The following MOXD1 variants were observed in gnomAD, a reference collection of about 807,000 sequenced individuals.
The protein encoded by MOXD1 is DBH-like monooxygenase protein 1.
MOXD1 carries 62 observed loss-of-function variants against 66.6 expected under a neutral mutation model. The observed-to-expected ratio is 0.93, with a 90% CI of 0.76 to 1.15. The LOEUF is 1.15. Among genes scored for constraint, MOXD1 ranks in the 50% most tolerant of loss-of-function variants. The pLI is 0.00. For synonymous variants in MOXD1, 303 were observed against 281.9 expected (o/e 1.07, Z -0.75); for missense variants, 847 against 754.6 (o/e 1.12, Z -1.44).
intron 10 of MOXD1, among the ~76,000 whole-genome samples, chr6:132,311,947 G>T (rs899180586): frequency 2.0e-5 from 3 of 151,882 alleles, no homozygotes; most frequent in African/African-American, 7.3e-5. Context: ...TCTGCAAAGA[G>T]GAAGAGAAAC....
intron 4 of MOXD1, among the ~76,000 whole-genome samples, chr6:132,344,791 C>A (rs553021067): frequency 6.6e-6 from 1 of 152,152 alleles, no homozygotes; most frequent in East Asian, 1.9e-4. Flanking sequence ...GACTGACCAC[C>A]TTTGAGTTGA....
chr6:132,306,659 A>T (rs1354185235), intron 10 of MOXD1, among the ~76,000 whole-genome samples: 1 of 152,166 alleles, frequency 6.6e-6, no homozygotes, highest in Non-Finnish European at 1.5e-5. Flanking sequence ...CTAACAGTGG[A>T]CCTCTCAGCA....
At chr6:132,373,792 G>A (rs528082340) in intron 2 of MOXD1, among the ~76,000 whole-genome samples, 26 of 152,168 alleles carry the variant, frequency 1.7e-4, no homozygotes, top group Admixed American at 9.2e-4. Context: ...AAATAATAAC[G>A]CAAAAGTATT....
chr6:132,310,361 C>T (rs1774801524), intron 10 of MOXD1, among the ~76,000 whole-genome samples: 1 of 152,114 alleles, frequency 6.6e-6, no homozygotes, highest in African/African-American at 2.4e-5. Context: ...GCTGGCGAGT[C>T]TGTGGAGAAA....
intron 7 of MOXD1, among the ~76,000 whole-genome samples, chr6:132,323,257 C>A (rs1248669924): frequency 6.6e-6 from 1 of 152,062 alleles, no homozygotes; most frequent in Non-Finnish European, 1.5e-5. Flanking sequence ...GAAAGTGGGT[C>A]AATGGAATTA....
Position 132,372,456 on chromosome 6 carries a change from G to C in MOXD1, c.663+152C>G, listed in dbSNP as rs146395373. 17 of 663,146 alleles carry C rather than the reference G, an allele frequency of 2.6e-5. No individual in the cohort carries two copies. In the East Asian group the frequency reaches 4.7e-4, roughly 18 times the overall value. 41.1% of individuals were successfully genotyped at this position (663,146 alleles called of 1,614,324 possible). On this transcript the variant is annotated intron_variant, in intron 4 of 11. Transcript: ENST00000367963. ...TCCAAGCTTTCAGACTCTTGAAAAA[G>C]TATGCAGGTCAGCCAAGCCAGTTCT...
chr6:132,374,487 A>AAAGAAAAAACT (rs1776334074), intron 2 of MOXD1, 144 bp downstream of exon 2: 1 of 532,400 alleles, frequency 1.9e-6, no homozygotes, highest in Admixed American at 6.2e-5. Flanking sequence ...AGAAAAAACT[A>AAAGAAAAAACT]AAAAAAAAAC....
intron 4 of MOXD1, among the ~76,000 whole-genome samples, chr6:132,348,824 G>C (rs1775722044): frequency 6.6e-6 from 1 of 152,040 alleles, no homozygotes; most frequent in African/African-American, 2.4e-5. Context: ...TTCCAAAAAA[G>C]ACTGCATTGT....
intron 1 of MOXD1, among the ~76,000 whole-genome samples, chr6:132,383,919 A>C (rs1262953289): frequency 6.6e-6 from 1 of 151,934 alleles, no homozygotes; most frequent in Non-Finnish European, 1.5e-5. Context: ...AAAATACAAA[A>C]ATTAGCCGGT....
In MOXD1 at chr6:132,401,360, G is replaced by C. The variant is rs1410754688; in HGVS notation, c.67C>G (p.Arg23Gly). ...LPGTAAGGSG[R>G]TYPHRTLLDS... is the part of the protein sequence containing the mutation. ...AGGAGGGTCCGGTGCGGATAGGTTCGGCCCGAGCCCCCCGCCGCCGTCCCG... is the reference window on the plus strand; with the variant it reads ...AGGAGGGTCCGGTGCGGATAGGTTCCGCCCGAGCCCCCCGCCGCCGTCCCG... The change falls in exon 1 of 12, where the codon CGA (arginine) becomes GGA (glycine). Residue 23 changes from arginine (R) to glycine (G), a missense_variant. Coordinates refer to ENST00000367963, the MANE Select transcript of MOXD1 (RefSeq NM_015529.4). The C allele has an allele frequency of 7.7e-6, 12 of 1,557,864 alleles. No individual in the cohort carries two copies. Among genetic ancestry groups the C allele is most frequent in the African/African-American group, 1.4e-5 (1 of 72,598 alleles).
In MOXD1 at chr6:132,349,432, T is replaced by C. The variant is rs1243247620; in HGVS notation, c.664-20838A>G. Among the ~76,000 whole-genome samples the C allele has an allele frequency of 2.3e-4, 6 of 25,858 alleles. 1 individual carries two copies. Among genetic ancestry groups the C allele is most frequent in the African/African-American group, 1.0e-3 (4 of 3,838 alleles). The allele number at this position is 25,858 out of a possible 152,430, so 17.0% of individuals were successfully genotyped here. On this transcript the variant is annotated intron_variant, in intron 4 of 11. Transcript: ENST00000367963. ...ATATATATATATATACATATATATA[T>C]ATACATATATATATATATACATATA...
chr6:132,381,816 A>G (rs955581408), intron 1 of MOXD1, among the ~76,000 whole-genome samples: 3 of 152,172 alleles, frequency 2.0e-5, no homozygotes, highest in Non-Finnish European at 2.9e-5. Flanking sequence ...AGAAGTTGAC[A>G]TTCACAAAAC....
intron 6 of MOXD1, 107 bp from the exon 7 acceptor site, chr6:132,324,204 T>G: frequency 8.9e-7 from 1 of 1,124,058 alleles, no homozygotes; most frequent in South Asian, 1.4e-5. Context: ...TCTGTTGAAA[T>G]AGGTTTATTT....
rs374253561 is a variant in MOXD1, at chr6:132,392,013, A to T, written c.264+9150T>A. ...GGAAATTGGGGGGCATAATCTGAAG[A>T]CTTATAAATATCTCTTAACAAAGCA... On this transcript the variant is annotated intron_variant, in intron 1 of 11. Coordinates refer to ENST00000367963, the MANE Select transcript of MOXD1 (RefSeq NM_015529.4). The T allele has an allele frequency of 1.3e-5, 8 of 625,166 alleles. No individual in the cohort carries two copies. The African/African-American group carries it at 1.5e-4, about 12-fold the overall frequency. The allele number at this position is 625,166 out of a possible 1,614,324, so 38.7% of individuals were successfully genotyped here. A position where few individuals can be genotyped will look rare whatever the true frequency, so the allele number is the denominator to read the frequency against.
chr6:132,320,855 A>C (rs1287166872), intron 8 of MOXD1, among the ~76,000 whole-genome samples, 167 bp from the exon 9 acceptor site: 1 of 152,260 alleles, frequency 6.6e-6, no homozygotes, highest in Admixed American at 6.5e-5. Flanking sequence ...CTGATATAAC[A>C]AGCAAGCAAA....
At chr6:132,374,205 A>G (rs1375455200) in intron 2 of MOXD1, among the ~76,000 whole-genome samples, 1 of 152,222 alleles carries the variant, frequency 6.6e-6, no homozygotes, top group African/African-American at 2.4e-5. Context: ...CCACCTATTC[A>G]TCTTGATTTT....
chr6:132,398,547 T>A (rs1367355427), intron 1 of MOXD1, among the ~76,000 whole-genome samples: 6 of 152,188 alleles, frequency 3.9e-5, no homozygotes, highest in Non-Finnish European at 7.3e-5. Flanking sequence ...GGAGCCAATG[T>A]TTTTTGTGTC....
chr6:132,395,537 A>T (rs1326615015), intron 1 of MOXD1, among the ~76,000 whole-genome samples: 1 of 152,142 alleles, frequency 6.6e-6, no homozygotes, highest in East Asian at 1.9e-4. Context: ...TATCAATAAT[A>T]ACCCGGAATG....
intron 4 of MOXD1, among the ~76,000 whole-genome samples, chr6:132,370,069 A>C (rs527503916): frequency 6.6e-6 from 1 of 152,254 alleles, no homozygotes; most frequent in East Asian, 1.9e-4. Flanking sequence ...TATAAAATCA[A>C]TCTTCTCATT....
Sources: gnomAD v4.1 joint callset for allele counts (sites outside exome capture counted in the v4.1 genomes callset) on GRCh38, gnomAD v4.1.1 for gene constraint, MANE v1.5 for transcripts, NCBI Gene and HGNC (gene_info 2026-07-23, HGNC 2026-07-21) for gene names.